WWC1: variants seen among roughly 807,000 people sequenced by gnomAD.
The protein encoded by WWC1 is protein KIBRA.
WWC1 carries 55 observed loss-of-function variants against 138.4 expected under a neutral mutation model. That is an observed-to-expected ratio of 0.40 (90% confidence interval 0.32 to 0.50). The LOEUF is 0.50. WWC1 is among the 20% of genes least tolerant of loss of function. The probability of loss-of-function intolerance (pLI) is 0.72; values close to 1 mark genes in which losing one functional copy is unlikely to be tolerated. For missense variants in WWC1, 1,226 were observed against 1,420.4 expected, an observed-to-expected ratio of 0.86 and a Z score of 2.20; for synonymous variants, 524 against 564.9, an observed-to-expected ratio of 0.93 and a Z score of 1.03.
rs763093926 is a variant in WWC1, at chr5:168,385,395, G to A, written c.414G>A (p.Lys138=). The A allele has an allele frequency of 1.2e-6, 2 of 1,613,798 alleles. No individual in the cohort carries two copies. Among genetic ancestry groups the A allele is most frequent in the African/African-American group, 1.3e-5 (1 of 75,028 alleles). The part of the protein sequence containing the change: ...YQQLHAVWEH[K]LGSQVSLVSG... ...AACTGCATGCCGTCTGGGAGCATAA[G>A]CTGGGCTCCCAGGTCAGCTGTGAGT... The change falls in exon 3 of 23, where the codon AAG becomes AAA. Residue 138 remains lysine (K), a synonymous_variant. Transcript: ENST00000265293.
chr5:168,296,838 A>T (rs1040447700), intron 1 of WWC1, among the ~76,000 whole-genome samples: 1 of 152,160 alleles, frequency 6.6e-6, no homozygotes, highest in East Asian at 1.9e-4. Context: ...GCCTCATTTT[A>T]CTTCCTGCTG....
At chr5:168,398,928 T>C (rs1779110103) in intron 4 of WWC1, among the ~76,000 whole-genome samples, 1 of 152,244 alleles carries the variant, frequency 6.6e-6, no homozygotes, top group African/African-American at 2.4e-5. Flanking sequence ...TTTCTGAAGA[T>C]TTGATTATTA....
chr5:168,335,063 G>A (rs541308564), intron 1 of WWC1, among the ~76,000 whole-genome samples: 27 of 152,158 alleles, frequency 1.8e-4, no homozygotes, highest in Non-Finnish European at 3.5e-4. Flanking sequence ...AAGATAAAAG[G>A]TGCAATCATG....
At chr5:168,408,786 C>T (rs1780006887) in intron 7 of WWC1, 133 bp downstream of exon 7, 4 of 1,257,130 alleles carry the variant, frequency 3.2e-6, no homozygotes, top group Non-Finnish European at 4.4e-6. Flanking sequence ...GCTGCTGCCT[C>T]AGCCCTCTGG....
chr5:168,428,238 C>A, intron 12 of WWC1, 97 bp downstream of exon 12: 1 of 1,271,448 alleles, frequency 7.9e-7, no homozygotes, highest in Non-Finnish European at 1.1e-6. Flanking sequence ...GTTTTGGCCC[C>A]CACAGTGTGT....
chr5:168,367,667 G>T (rs1438011640), intron 1 of WWC1, among the ~76,000 whole-genome samples: 1 of 152,202 alleles, frequency 6.6e-6, no homozygotes, highest in Non-Finnish European at 1.5e-5. Context: ...GAATCTGGCA[G>T]TGGAACTTCA....
At position 168,434,195 on chromosome 5, in the gene WWC1, G is replaced by A. The variant is rs1418491991; in HGVS notation, c.2280+2751G>A. Among the ~76,000 whole-genome samples the A allele has an allele frequency of 7.9e-5, 12 of 152,262 alleles. No homozygotes were observed. The East Asian group carries it at 2.3e-3, about 29-fold the overall frequency. ...TGCCTTTTATTCCTCCTTCCTAATT[G>A]AAGTCTGGTCATTGCTGGTTGCCAT... is the stretch of plus-strand genomic sequence containing the variant. On this transcript the variant is annotated intron_variant, in intron 15 of 22. Transcript: ENST00000265293.
chr5:168,387,004 CCAGA>C (rs1368102175), intron 3 of WWC1, among the ~76,000 whole-genome samples: 1 of 152,182 alleles, frequency 6.6e-6, no homozygotes, highest in Non-Finnish European at 1.5e-5. Flanking sequence ...CTGTTTCATG[CCAGA>C]CACTCTGCTA....
chr5:168,413,357 G>A (rs1160591830), intron 8 of WWC1, among the ~76,000 whole-genome samples: 1 of 152,172 alleles, frequency 6.6e-6, no homozygotes, highest in Non-Finnish European at 1.5e-5. Flanking sequence ...TTGTTATACT[G>A]TGGATCTTAT....
chr5:168,403,006 T>TTCTCTTTCTTTC (rs1220927332), intron 5 of WWC1, among the ~76,000 whole-genome samples: 6 of 105,608 alleles, frequency 5.7e-5, no homozygotes, highest in African/African-American at 2.2e-4. Context: ...TGTTGTTTCT[T>TTCTCTTTCTTTC]TTTCTTTCTT....
intron 1 of WWC1, among the ~76,000 whole-genome samples, chr5:168,346,551 C>T (rs1386002945): frequency 6.6e-6 from 1 of 152,130 alleles, no homozygotes; most frequent in Non-Finnish European, 1.5e-5. Context: ...GTAGGCGTGC[C>T]TGAAATGCTT....
chr5:168,431,348 G>C lies in WWC1; in HGVS notation c.2184G>C (p.Glu728Asp). 6.2e-7 allele frequency: 1 copy of C among 1,614,176 alleles called. No homozygotes were observed. The highest frequency in any genetic ancestry group is 1.1e-5 in the South Asian group (1 of 91,082). Residue 728 changes from glutamate to aspartate, a missense_variant, in exon 15 of 23, where the codon GAG becomes GAC. Coordinates refer to ENST00000265293, the MANE Select transcript of WWC1 (RefSeq NM_015238.3). ...LDASDTLVFN[E>D]VFWVSMSYPA... The stretch of plus-strand genomic sequence containing the variant: ...CCTCAGACACTCTAGTGTTCAATGA[G>C]GTGTTCTGGGTATCCATGTCCTATC...
intron 3 of WWC1, among the ~76,000 whole-genome samples, chr5:168,393,764 A>AGCAGGGCAGAAGCCCTG (rs1206070526): frequency 5.9e-5 from 9 of 152,212 alleles, no homozygotes; most frequent in Non-Finnish European, 1.2e-4. Flanking sequence ...CTCACACTGA[A>AGCAGGGCAGAAGCCCTG]GCAGGGCAGA....
intron 1 of WWC1, among the ~76,000 whole-genome samples, chr5:168,352,932 C>T (rs1331693540): frequency 1.3e-5 from 2 of 152,148 alleles, no homozygotes; most frequent in Non-Finnish European, 2.9e-5. Flanking sequence ...CACAAGATTG[C>T]TGTGGGGATT....
intron 8 of WWC1, chr5:168,411,974 A>G (rs577573518): frequency 2.0e-6 from 2 of 985,264 alleles, no homozygotes; most frequent in South Asian, 9.4e-5. Flanking sequence ...GGTCAGGTAG[A>G]AAAAAACAGA....
Position 168,311,272 on chromosome 5 carries a change from G to C in WWC1, c.119+19001G>C, listed in dbSNP as rs563517835. On this transcript the variant is annotated intron_variant, in intron 1 of 22. Transcript: ENST00000265293. The stretch of plus-strand genomic sequence containing the variant: ...CAGGAAGGGGTCTGCTTCAAGTCAG[G>C]CCCTTTCTGGTCGAAGGCTACAGAG... Among the ~76,000 whole-genome samples the C allele has an allele frequency of 2.0e-4, 31 of 152,064 alleles. 1 individual carries two copies. In the South Asian group the frequency reaches 6.5e-3, roughly 32 times the overall value.
At chr5:168,414,915 A>C (rs1780494450) in intron 9 of WWC1, 2 of 288,728 alleles carry the variant, frequency 6.9e-6, no homozygotes, top group Non-Finnish European at 1.3e-5. Flanking sequence ...ACTTTTTGAC[A>C]GTGATGCACA....
chr5:168,426,840 T>G (rs942415255), intron 11 of WWC1, among the ~76,000 whole-genome samples: 1 of 152,248 alleles, frequency 6.6e-6, no homozygotes, highest in African/African-American at 2.4e-5. Context: ...GCTGTGAGGT[T>G]GTAAGATCTG....
intron 1 of WWC1, among the ~76,000 whole-genome samples, chr5:168,363,286 G>A (rs1776019713): frequency 1.3e-5 from 2 of 152,072 alleles, no homozygotes; most frequent in Non-Finnish European, 1.5e-5. Flanking sequence ...AATTTTGGGA[G>A]GCCGAGGCAG....
Sources: gnomAD v4.1 joint callset for allele counts (sites outside exome capture counted in the v4.1 genomes callset) on GRCh38, gnomAD v4.1.1 for gene constraint, MANE v1.5 for transcripts, NCBI Gene and HGNC (gene_info 2026-07-23, HGNC 2026-07-21) for gene names.